The following FHIT variants were observed in gnomAD, a reference collection of about 807,000 sequenced individuals.
The protein encoded by FHIT is fragile histidine triad diadenosine triphosphatase.
A neutral mutation model predicts 17.9 loss-of-function variants in FHIT; 19 were observed. That is an observed-to-expected ratio of 1.06 (90% CI 0.74 to 1.56). The LOEUF (loss-of-function observed/expected upper bound fraction) is 1.56, where lower values mean the gene tolerates loss of function less well. Ranked by LOEUF, FHIT falls within the 40% of genes most tolerant of loss-of-function variation. The pLI, the probability that FHIT is intolerant of heterozygous loss-of-function variation, is 0.00. For missense variants in FHIT, 248 were observed against 189.2 expected (o/e 1.31, Z -1.82); for synonymous variants, 81 against 69.7 (o/e 1.16, Z -0.81).
At chr3:59,978,194 G>T (rs1427873042) in intron 7 of FHIT, among the ~76,000 whole-genome samples, 2 of 152,036 alleles carry the variant, frequency 1.3e-5, no homozygotes, top group African/African-American at 4.8e-5. Flanking sequence ...CAGTTGCATG[G>T]CTAATAACTT....
chr3:60,202,627 C>T (rs998638683), intron 5 of FHIT, among the ~76,000 whole-genome samples: 4 of 152,154 alleles, frequency 2.6e-5, no homozygotes, highest in Non-Finnish European at 5.9e-5. Flanking sequence ...GCAGGTGTCA[C>T]TGTAGTCAGG....
chr3:60,071,456 C>G (rs114929129), intron 5 of FHIT, among the ~76,000 whole-genome samples: 1 of 152,150 alleles, frequency 6.6e-6, no homozygotes, highest in Non-Finnish European at 1.5e-5. Context: ...CTCTTGATTT[C>G]TGTACTATAA....
At chr3:60,680,669 A>G (rs1169020172) in intron 4 of FHIT, among the ~76,000 whole-genome samples, 2 of 151,818 alleles carry the variant, frequency 1.3e-5, no homozygotes, top group African/African-American at 4.8e-5. Context: ...AGATATTTTC[A>G]AAACATATTC....
chr3:60,155,695 T>TC (rs1378960934), intron 5 of FHIT, among the ~76,000 whole-genome samples: 1 of 152,212 alleles, frequency 6.6e-6, no homozygotes, highest in Non-Finnish European at 1.5e-5. Flanking sequence ...GGGTTTTTTT[T>TC]CTGACATTCA....
intron 2 of FHIT, among the ~76,000 whole-genome samples, chr3:61,070,240 G>C (rs1339740352): frequency 5.9e-5 from 9 of 152,134 alleles, no homozygotes; most frequent in Non-Finnish European, 7.3e-5. Flanking sequence ...ACAGAATTTA[G>C]CCAATAAACT....
chr3:60,468,025 C>T (rs2032891905), intron 5 of FHIT, among the ~76,000 whole-genome samples: 1 of 152,164 alleles, frequency 6.6e-6, no homozygotes, highest in Non-Finnish European at 1.5e-5. Context: ...GCTGAATTGA[C>T]CCCTTTGTCA....
chr3:60,214,201 C>A (rs896376370), intron 5 of FHIT, among the ~76,000 whole-genome samples: 4 of 152,146 alleles, frequency 2.6e-5, no homozygotes, highest in Admixed American at 6.5e-5. Flanking sequence ...TACTGCCAAA[C>A]TAAAAAACTT....
chr3:60,052,891 T>C (rs1490901059), intron 5 of FHIT, among the ~76,000 whole-genome samples: 1 of 151,588 alleles, frequency 6.6e-6, no homozygotes, highest in Non-Finnish European at 1.5e-5. Context: ...TAACAAAGTA[T>C]GTGTTATTTA....
At chr3:60,024,036 C>T (rs1700649443) in intron 5 of FHIT, among the ~76,000 whole-genome samples, 1 of 151,394 alleles carries the variant, frequency 6.6e-6, no homozygotes, top group Admixed American at 6.6e-5. Flanking sequence ...TGTAACATAC[C>T]CAGCTAAAGG....
chr3:60,046,244 G>A (rs1701648274), intron 5 of FHIT, among the ~76,000 whole-genome samples: 3 of 152,056 alleles, frequency 2.0e-5, no homozygotes, highest in South Asian at 4.1e-4. Context: ...TCTCACACAT[G>A]CCCAGTTTCA....
At chr3:60,002,226 G>C (rs187646784) in intron 7 of FHIT, among the ~76,000 whole-genome samples, 18 of 152,204 alleles carry the variant, frequency 1.2e-4, no homozygotes, top group African/African-American at 4.3e-4. Context: ...TTCATTACTG[G>C]AATCCAATAA....
intron 5 of FHIT, among the ~76,000 whole-genome samples, chr3:60,426,015 G>A (rs931041185): frequency 6.6e-5 from 10 of 152,052 alleles, no homozygotes; most frequent in African/African-American, 1.7e-4. Flanking sequence ...GGTGTCACAA[G>A]GCCTCACACA....
chr3:61,198,895 CGAT>C (rs56054524), intron 2 of FHIT, among the ~76,000 whole-genome samples: 10,657 of 150,620 alleles, frequency 0.071, 486 homozygotes, highest in Admixed American at 0.095. Flanking sequence ...CTGCCGCCGC[CGAT>C]GATGATGATG....
chr3:60,793,494 C>A (rs1700861439), intron 4 of FHIT, among the ~76,000 whole-genome samples: 1 of 152,116 alleles, frequency 6.6e-6, no homozygotes, highest in Admixed American at 6.5e-5. Flanking sequence ...GTACAGACAG[C>A]ATTTTGCCAT....
intron 4 of FHIT, among the ~76,000 whole-genome samples, chr3:60,757,099 C>G (rs1553718483): frequency 6.6e-6 from 1 of 152,038 alleles, no homozygotes; most frequent in African/African-American, 2.4e-5. Context: ...ATATTTTATT[C>G]AAGTATGTGT....
chr3:60,333,811 G>T (rs1019476455), intron 5 of FHIT, among the ~76,000 whole-genome samples: 2 of 152,160 alleles, frequency 1.3e-5, no homozygotes, highest in South Asian at 4.1e-4. Flanking sequence ...AGGCCTCCCA[G>T]ATAGGATCAA....
intron 4 of FHIT, among the ~76,000 whole-genome samples, chr3:60,693,787 C>G (rs960009850): frequency 2.0e-5 from 3 of 152,268 alleles, no homozygotes; most frequent in Non-Finnish European, 4.4e-5. Flanking sequence ...TCTGTAAGTA[C>G]TAGATATTAC....
At chr3:60,858,536 T>G (rs1703479398) in intron 3 of FHIT, among the ~76,000 whole-genome samples, 1 of 152,196 alleles carries the variant, frequency 6.6e-6, no homozygotes, top group Admixed American at 6.5e-5. Context: ...CATATTGCTT[T>G]GTCTACCAGT....
chr3:59,787,222 A>C (rs138282926), intron 8 of FHIT, among the ~76,000 whole-genome samples: 315 of 152,350 alleles, frequency 2.1e-3, no homozygotes, highest in South Asian at 9.5e-3. Context: ...ATAAGTGACC[A>C]AGCCAGGATT....
Sources: gnomAD v4.1 joint callset for allele counts (sites outside exome capture counted in the v4.1 genomes callset) on GRCh38, gnomAD v4.1.1 for gene constraint, MANE v1.5 for transcripts, NCBI Gene and HGNC (gene_info 2026-07-23, HGNC 2026-07-21) for gene names.